EDA: variants seen among roughly 807,000 people sequenced by gnomAD.
The protein encoded by EDA is ectodysplasin-A.
A neutral mutation model predicts 23.6 loss-of-function variants in EDA; 2 were observed. That is an observed-to-expected ratio of 0.08 (90% CI 0.03 to 0.27). The LOEUF (loss-of-function observed/expected upper bound fraction) is 0.27, where lower values mean the gene tolerates loss of function less well. EDA is among the 10% of genes least tolerant of loss of function. The pLI is 1.00. For synonymous variants in EDA, 131 were observed against 132.0 expected (o/e 0.99, Z 0.05); for missense variants, 229 against 324.2 (o/e 0.71, Z 2.26).
At chrX:69,894,641 C>A (rs2017981916) in intron 1 of EDA, among the ~76,000 whole-genome samples, 1 of 111,005 alleles carries the variant, frequency 9.0e-6, no homozygotes, top group South Asian at 3.8e-4. Flanking sequence ...TAGCTGTATT[C>A]CTAGGTAATT....
At chrX:69,821,073 C>T (rs1471131532) in intron 1 of EDA, among the ~76,000 whole-genome samples, 1 of 111,176 alleles carries the variant, frequency 9.0e-6, no homozygotes, top group East Asian at 2.8e-4. Flanking sequence ...GGAACAAGAT[C>T]ATGTCCTTTG....
chrX:69,660,885 G>A (rs930478955), intron 1 of EDA, among the ~76,000 whole-genome samples: 3 of 111,239 alleles, frequency 2.7e-5, no homozygotes, highest in Non-Finnish European at 5.7e-5. Context: ...TGGGTCAAAT[G>A]GTATTTCTAG....
At chrX:69,806,126 G>T (rs1358929972) in intron 1 of EDA, among the ~76,000 whole-genome samples, 1 of 111,536 alleles carries the variant, frequency 9.0e-6, no homozygotes, top group South Asian at 3.7e-4. Flanking sequence ...TCAAGGCCAG[G>T]TTACCTGAAT....
intron 1 of EDA, among the ~76,000 whole-genome samples, chrX:69,871,692 A>G (rs926233204): frequency 4.5e-5 from 5 of 112,346 alleles, no homozygotes; most frequent in Non-Finnish European, 7.5e-5. Context: ...GTATCCCTCA[A>G]TCCAACCAAG....
chrX:69,794,221 GAAA>G (rs764935497), intron 1 of EDA, among the ~76,000 whole-genome samples: 1 of 103,128 alleles, frequency 9.7e-6, no homozygotes, highest in Non-Finnish European at 2.0e-5. Context: ...GTGGTTGAAA[GAAA>G]AAAAAAAACC....
intron 2 of EDA, among the ~76,000 whole-genome samples, chrX:70,000,471 A>G (rs1182188010): frequency 8.9e-6 from 1 of 112,490 alleles, no homozygotes; most frequent in Non-Finnish European, 1.9e-5. Context: ...GAATTAACTG[A>G]AAAAGAACTT....
At chrX:69,663,824 G>C (rs1477377633) in intron 1 of EDA, among the ~76,000 whole-genome samples, 1 of 112,656 alleles carries the variant, frequency 8.9e-6, no homozygotes, top group Non-Finnish European at 1.9e-5. Flanking sequence ...TCTTGCATCA[G>C]CGTTACCTGG....
chrX:69,874,044 C>T (rs766599167), intron 1 of EDA, among the ~76,000 whole-genome samples: 1 of 112,296 alleles, frequency 8.9e-6, no homozygotes, highest in Non-Finnish European at 1.9e-5. Flanking sequence ...GGCACGGTAG[C>T]TCACGCCTGT....
intron 1 of EDA, among the ~76,000 whole-genome samples, chrX:69,854,609 T>C (rs762175056): frequency 1.8e-5 from 2 of 112,173 alleles, no homozygotes; most frequent in Non-Finnish European, 3.8e-5. Context: ...GGCTTCCAGC[T>C]CCATCCATTT....
intron 1 of EDA, among the ~76,000 whole-genome samples, chrX:69,896,572 A>C (rs2147638297): frequency 9.0e-6 from 1 of 111,430 alleles, no homozygotes; most frequent in Admixed American, 9.6e-5. Flanking sequence ...GAAATGTTAA[A>C]CCTAGAAGTA....
At chrX:69,626,746 TAAAG>T (rs1932398924) in intron 1 of EDA, among the ~76,000 whole-genome samples, 1 of 111,559 alleles carries the variant, frequency 9.0e-6, no homozygotes, top group African/African-American at 3.3e-5. Flanking sequence ...TGGAACGAAA[TAAAG>T]GAAATGATGC....
chrX:70,026,472 C>G (rs2020107743), intron 3 of EDA, among the ~76,000 whole-genome samples: 1 of 111,763 alleles, frequency 8.9e-6, no homozygotes, highest in Non-Finnish European at 1.9e-5. Context: ...GAGAATGGGA[C>G]TTCTGAGGAA....
chrX:69,829,651 TCACCTGAGA>T (rs2016558114), intron 1 of EDA, among the ~76,000 whole-genome samples: 1 of 111,855 alleles, frequency 8.9e-6, no homozygotes, highest in Non-Finnish European at 1.9e-5. Flanking sequence ...AGAAATGGAA[TCACCTGAGA>T]CATTATGGTA....
At chrX:69,987,198 G>A (rs755539370) in intron 2 of EDA, among the ~76,000 whole-genome samples, 44 of 96,612 alleles carry the variant, frequency 4.6e-4, no homozygotes, top group East Asian at 3.2e-3. Context: ...TGGGTGCAGC[G>A]CACCAGCATG....
chrX:69,895,312 A>T (rs1174027064), intron 1 of EDA, among the ~76,000 whole-genome samples: 5 of 108,448 alleles, frequency 4.6e-5, no homozygotes. Context: ...CTTTAAGTTT[A>T]GTTTCCAGCG....
chrX:69,621,381 A>T (rs548501772), intron 1 of EDA, among the ~76,000 whole-genome samples: 50 of 112,135 alleles, frequency 4.5e-4, no homozygotes, highest in African/African-American at 1.6e-3. Flanking sequence ...CATACACAGA[A>T]AAGTATATAA....
At chrX:69,941,324 T>C (rs2018754167) in intron 1 of EDA, among the ~76,000 whole-genome samples, 1 of 111,759 alleles carries the variant, frequency 8.9e-6, no homozygotes, top group African/African-American at 3.2e-5. Context: ...GCTTCTTTGT[T>C]CATTTTCTGT....
Position 69,630,702 on chromosome X carries a change from C to A in EDA, c.396+13998C>A, listed in dbSNP as rs756439934. ...TCGTTAATTATGTAAAACTTTTTTT[C>A]TAATTACTACCTTATATTTTCCATA... On this transcript the variant is annotated intron_variant, in intron 1 of 7. Coordinates refer to ENST00000374552, the MANE Select transcript of EDA (RefSeq NM_001399.5). 9.4e-4 allele frequency among the ~76,000 whole-genome samples: 105 copies of A among 112,179 alleles called. 1 individual carries two copies. Among genetic ancestry groups the A allele is most frequent in the Non-Finnish European group, 1.1e-4 (6 of 53,205 alleles).
At chrX:69,860,179 C>A (rs1271502516) in intron 1 of EDA, among the ~76,000 whole-genome samples, 5 of 111,053 alleles carry the variant, frequency 4.5e-5, no homozygotes, top group African/African-American at 1.6e-4. Context: ...GCTCTTTATC[C>A]AGCTTGCCAC....
Sources: gnomAD v4.1 joint callset for allele counts (sites outside exome capture counted in the v4.1 genomes callset) on GRCh38, gnomAD v4.1.1 for gene constraint, MANE v1.5 for transcripts, NCBI Gene and HGNC (gene_info 2026-07-23, HGNC 2026-07-21) for gene names.